Variants in TNNI2 observed in about 807,000 individuals in gnomAD.
TNNI2 encodes the protein troponin I, fast skeletal muscle.
In TNNI2, 14 loss-of-function variants were observed where a neutral mutation model predicts 26.5. That is an observed-to-expected ratio of 0.53 (90% CI 0.35 to 0.83). TNNI2 has a LOEUF of 0.83. Among genes scored for constraint, TNNI2 ranks in the 40% least tolerant of loss-of-function variants. The probability of loss-of-function intolerance (pLI) is 0.01; values close to 1 mark genes in which losing one functional copy is unlikely to be tolerated. For missense variants in TNNI2, 205 were observed against 248.5 expected (o/e 0.82, Z 1.18); for synonymous variants, 126 against 97.6 (o/e 1.29, Z -1.71).
At position 1,840,508 on chromosome 11, in the gene TNNI2, C is replaced by T. The variant is rs772545927; in HGVS notation, c.58-20C>T. ...TGCAGGGGAGCTGGCTGCAGCCCCTCACCGCCTGCCCCACCGCAGAGTGTG... is the reference window on the plus strand; with the variant it reads ...TGCAGGGGAGCTGGCTGCAGCCCCTTACCGCCTGCCCCACCGCAGAGTGTG... On this transcript the variant is annotated intron_variant, in intron 4 of 7. Transcript: ENST00000381911. 1 of 1,610,960 alleles carries T rather than the reference C, an allele frequency of 6.2e-7. No individual in the cohort carries two copies. Among genetic ancestry groups the T allele is most frequent in the Non-Finnish European group, 8.5e-7 (1 of 1,179,320 alleles).
At chr11:1,839,316 C>G (rs934813730) in intron 1 of TNNI2, among the ~76,000 whole-genome samples, 4 of 152,130 alleles carry the variant, frequency 2.6e-5, no homozygotes, top group Non-Finnish European at 4.4e-5. Flanking sequence ...CCAGGCCAAA[C>G]TGAGGAGGGA....
intron 3 of TNNI2, chr11:1,840,185 A>G: frequency 7.7e-6 from 12 of 1,550,090 alleles, no homozygotes; most frequent in Non-Finnish European, 1.0e-5. Flanking sequence ...TCCCAGCACC[A>G]TGTGCCACCT....
Position 1,841,650 on chromosome 11 carries a change from C to T in TNNI2, c.*99C>T. 1 of 1,068,524 alleles carries T rather than the reference C, an allele frequency of 9.4e-7. No homozygotes were observed. Among genetic ancestry groups the T allele is most frequent in the South Asian group, 1.3e-5 (1 of 76,804 alleles). 66.2% of individuals were successfully genotyped at this position (1,068,524 alleles called of 1,614,324 possible). On this transcript the variant is annotated 3_prime_UTR_variant, in exon 8 of 8. Coordinates refer to ENST00000381911, the MANE Select transcript of TNNI2 (RefSeq NM_003282.4). ...CTGCCAGGGAGGGCTGGCCTCACCA[C>T]CACCGTCAATAAAGGATTTGAATCC...
chr11:1,841,642 C>A lies in TNNI2; in HGVS notation c.*91C>A. ...CCCAGAGCCTGCCAGGGAGGGCTGG[C>A]CTCACCACCACCGTCAATAAAGGAT... On this transcript the variant is annotated 3_prime_UTR_variant, in exon 8 of 8. Coordinates refer to ENST00000381911, the MANE Select transcript of TNNI2 (RefSeq NM_003282.4). 2 of 1,160,692 alleles carry A rather than the reference C, an allele frequency of 1.7e-6. No homozygotes were observed. The highest frequency in any genetic ancestry group is 1.3e-6 in the Non-Finnish European group (1 of 782,300). 71.9% of individuals were successfully genotyped at this position (1,160,692 alleles called of 1,614,324 possible). A position where few individuals can be genotyped will look rare whatever the true frequency, so the allele number is the denominator to read the frequency against.
chr11:1,841,004 G>C lies in TNNI2; in HGVS notation c.277-27G>C, dbSNP rs772837102. On this transcript the variant is annotated intron_variant, in intron 6 of 7. Transcript: ENST00000381911. ...GAGGCCGAGACCACCGGGACCTCGG[G>C]CTCCCACCCGGCTCCCCTGCCCACA... is the stretch of plus-strand genomic sequence containing the variant. The C allele has an allele frequency of 1.9e-6, 3 of 1,608,190 alleles. No homozygotes were observed. The Admixed American group carries it at 5.0e-5, about 27-fold the overall frequency.
intron 5 of TNNI2, 23 bp from the exon 6 acceptor site, chr11:1,840,796 C>T (rs1358997670): frequency 1.3e-6 from 2 of 1,566,778 alleles, no homozygotes; most frequent in Non-Finnish European, 1.8e-6. Flanking sequence ...AGGACGGCCG[C>T]CCGCCCCCAC....
In TNNI2 at chr11:1,840,462, G is replaced by A. The variant is rs1447069834; in HGVS notation, c.57+18G>A. The A allele has an allele frequency of 1.2e-6, 2 of 1,610,810 alleles. No individual in the cohort carries two copies. The highest frequency in any genetic ancestry group is 1.7e-5 in the Admixed American group (1 of 59,890). On this transcript the variant is annotated intron_variant, in intron 4 of 7. Coordinates refer to ENST00000381911, the MANE Select transcript of TNNI2 (RefSeq NM_003282.4). ...ACCTGAAGGTAGGTGTGGGCTCCCGGGGGGGTGGCCCAGGTGGGTCTGCAG... is the reference window on the plus strand; with the variant it reads ...ACCTGAAGGTAGGTGTGGGCTCCCGAGGGGGTGGCCCAGGTGGGTCTGCAG...
rs747945098 is a variant in TNNI2 at position 1,840,189 on chromosome 11, G to A, written c.16-214G>A. ...AGCCTCTGGCCTCCCAGCACCATGT[G>A]CCACCTGGCAAAGTGTCACACACCA... is the stretch of plus-strand genomic sequence containing the variant. On this transcript the variant is annotated intron_variant, in intron 3 of 7. Transcript: ENST00000381911. The A allele has an allele frequency of 1.9e-6, 3 of 1,550,972 alleles. No individual in the cohort carries two copies. In the African/African-American group the frequency reaches 4.1e-5, roughly 21 times the overall value.
At chr11:1,839,994 A>C (rs1432832444) in intron 3 of TNNI2, 139 bp downstream of exon 3, 3 of 1,305,290 alleles carry the variant, frequency 2.3e-6, no homozygotes, top group African/African-American at 1.5e-5. Flanking sequence ...TGCCCCACCC[A>C]CCCACCAAGA....
intron 1 of TNNI2, 63 bp from the exon 2 acceptor site, chr11:1,839,612 G>C (rs1847118771): frequency 1.9e-6 from 3 of 1,596,658 alleles, no homozygotes; most frequent in Non-Finnish European, 1.7e-6. Context: ...CCACCTACCT[G>C]ATGGGCACAG....
At chr11:1,841,309 G>A in intron 7 of TNNI2, 102 bp downstream of exon 7, 1 of 1,557,340 alleles carries the variant, frequency 6.4e-7, no homozygotes, top group Non-Finnish European at 8.7e-7. Flanking sequence ...CCCTGCCGGG[G>A]GCCCTGTACC....
At position 1,840,635 on chromosome 11, in the gene TNNI2, G is replaced by A. The variant is rs774559088; in HGVS notation, c.165G>A (p.Pro55=). The A allele has an allele frequency of 1.4e-5, 23 of 1,612,820 alleles. No homozygotes were observed. Among genetic ancestry groups the A allele is most frequent in the Middle Eastern group, 1.7e-4 (1 of 6,056 alleles). The change falls in exon 5 of 8, where the codon CCG becomes CCA. Residue 55 remains proline, a synonymous_variant. Transcript: ENST00000381911. ...AGCACTGCCCGCCGCTGCATATCCC[G>A]GGCTCCATGTCTGAAGTGCAGGTAC... ...LAEHCPPLHI[P]GSMSEVQELC...
In TNNI2 at chr11:1,839,837, C is replaced by T. The variant is rs1384387559; in HGVS notation, c.9-12C>T. 3.7e-6 allele frequency: 6 copies of T among 1,613,944 alleles called. No individual in the cohort carries two copies. Among genetic ancestry groups the T allele is most frequent in the Admixed American group, 1.7e-5 (1 of 60,018 alleles). Reference sequence around the variant, plus strand: ...TCTCCCCGTCCTGCCTGCGTCCTCCCTCCCTGGACAGTGAGGAGGTAAGTA... The same window carrying T: ...TCTCCCCGTCCTGCCTGCGTCCTCCTTCCCTGGACAGTGAGGAGGTAAGTA... On this transcript the variant is annotated splice_polypyrimidine_tract_variant and intron_variant, in intron 2 of 7. Transcript: ENST00000381911.
chr11:1,840,719 C>T lies in TNNI2; in HGVS notation c.186+63C>T, dbSNP rs1847152040. 6.2e-6 allele frequency: 10 copies of T among 1,610,856 alleles called. No individual in the cohort carries two copies. The South Asian group carries it at 1.1e-4, about 18-fold the overall frequency. ...GCAGGCCTGCCTGCTAACTCAGTTT[C>T]CCCACTTGTCAAGAGGGCCAGTGGG... On this transcript the variant is annotated intron_variant, in intron 5 of 7. Transcript: ENST00000381911.
In TNNI2 at chr11:1,840,572, G is replaced by C. The variant is rs143863270; in HGVS notation, c.102G>C (p.Glu34Asp). 6.2e-7 allele frequency: 1 copy of C among 1,612,654 alleles called. No individual in the cohort carries two copies. Among genetic ancestry groups the C allele is most frequent in the African/African-American group, 1.3e-5 (1 of 75,058 alleles). The change falls in exon 5 of 8, where the codon GAG becomes GAC. Residue 34 changes from glutamate to aspartate, a missense_variant. Physicochemically the swap from Glu to Asp is conservative, Grantham distance 45. Transcript: ENST00000381911. ...CGGCCACGGAGCTGGAGAAGGAGGA[G>C]AGCCGCCGTGAGGCAGAGAAGCAGA... ...QIAATELEKE[E>D]SRREAEKQNY...
intron 1 of TNNI2, 131 bp downstream of exon 1, chr11:1,839,164 G>C (rs997809246): frequency 6.4e-6 from 1 of 156,362 alleles, no homozygotes. Flanking sequence ...GGGCCTGCAC[G>C]GGTCCGGGAG....
At chr11:1,839,505 C>A in intron 1 of TNNI2, 170 bp from the exon 2 acceptor site, 1 of 574,708 alleles carries the variant, frequency 1.7e-6, no homozygotes. Flanking sequence ...CTGGGGAATT[C>A]CAAGACATTG....
chr11:1,841,573 TG>T lies in TNNI2; in HGVS notation c.*23del, dbSNP rs1847184182. 6.2e-7 allele frequency: 1 copy of T among 1,609,162 alleles called. No individual in the cohort carries two copies. Among genetic ancestry groups the T allele is most frequent in the African/African-American group, 1.3e-5 (1 of 74,810 alleles). The stretch of plus-strand genomic sequence containing the variant: ...CTAGGCCACTCGCTGCCCCTACGCC[TG>T]CCCCGGTGCCCGGCTCCCAGCAGAA... On this transcript the variant is annotated 3_prime_UTR_variant, in exon 8 of 8. Coordinates refer to ENST00000381911, the MANE Select transcript of TNNI2 (RefSeq NM_003282.4).
chr11:1,841,436 T>G lies in TNNI2; in HGVS notation c.454-20T>G. ...CATAAGTGGGTGAGCCTGAGCTCTC[T>G]CCTGCCCTCTCCTCCACAGGAGCGG... On this transcript the variant is annotated intron_variant, in intron 7 of 7. Transcript: ENST00000381911. 1 of 1,613,116 alleles carries G rather than the reference T, an allele frequency of 6.2e-7. No homozygotes were observed. Among genetic ancestry groups the G allele is most frequent in the South Asian group, 1.1e-5 (1 of 91,072 alleles).
Sources: allele counts gnomAD v4.1 joint callset (sites outside exome capture counted in the v4.1 genomes callset), GRCh38; gene constraint gnomAD v4.1.1; transcripts MANE v1.5; gene names NCBI Gene and HGNC (gene_info 2026-07-23, HGNC 2026-07-21).